THSD7B: variants seen among roughly 807,000 people sequenced by gnomAD.
THSD7B encodes the protein thrombospondin type-1 domain-containing protein 7B.
THSD7B carries 138 observed loss-of-function variants against 213.6 expected under a neutral mutation model. The ratio of observed to expected loss-of-function variants is 0.65; its 90% CI spans 0.56 to 0.74. THSD7B has a LOEUF of 0.74. Among genes scored for constraint, THSD7B ranks in the 30% least tolerant of loss-of-function variants. THSD7B has a pLI of 0.00. For synonymous variants in THSD7B, 742 were observed against 687.0 expected, an observed-to-expected ratio of 1.08 and a Z score of -1.25; for missense variants, 1,931 against 1,991.5, an observed-to-expected ratio of 0.97 and a Z score of 0.58.
chr2:137,443,998 AC>A (rs1687474880), intron 14 of THSD7B, among the ~76,000 whole-genome samples: 1 of 152,066 alleles, frequency 6.6e-6, no homozygotes, highest in African/African-American at 2.4e-5. Flanking sequence ...ATAATATTTA[AC>A]ATTATTTTGT....
intron 12 of THSD7B, among the ~76,000 whole-genome samples, chr2:137,309,894 T>A (rs1305994482): frequency 2.0e-5 from 3 of 152,170 alleles, no homozygotes; most frequent in Admixed American, 6.5e-5. Flanking sequence ...ATTTTCTTAA[T>A]CTGGTCTATC....
intron 15 of THSD7B, among the ~76,000 whole-genome samples, chr2:137,561,042 G>A (rs1361254399): frequency 6.6e-6 from 1 of 152,112 alleles, no homozygotes. Flanking sequence ...AAATTTTCAA[G>A]TAATTCCATG....
chr2:137,082,970 T>C (rs565586550), intron 3 of THSD7B, among the ~76,000 whole-genome samples: 58 of 152,106 alleles, frequency 3.8e-4, no homozygotes, highest in Non-Finnish European at 7.5e-4. Flanking sequence ...TATCTCTATA[T>C]CTGTAGAACA....
intron 12 of THSD7B, among the ~76,000 whole-genome samples, chr2:137,323,353 TC>T (rs1259491093): frequency 6.6e-6 from 1 of 152,150 alleles, no homozygotes; most frequent in Non-Finnish European, 1.5e-5. Context: ...CCAGTTCCTG[TC>T]CCCCATGAGA....
chr2:136,896,957 T>TATA (rs888592279), intron 2 of THSD7B, among the ~76,000 whole-genome samples: 1 of 56,126 alleles, frequency 1.8e-5, no homozygotes, highest in African/African-American at 4.6e-5. Flanking sequence ...TATATATATA[T>TATA]TTTTTTAAGA....
At chr2:136,796,871 C>T (rs1682075229) in intron 1 of THSD7B, among the ~76,000 whole-genome samples, 1 of 151,788 alleles carries the variant, frequency 6.6e-6, no homozygotes. Flanking sequence ...ATAACTTTCT[C>T]TGCTTCTATA....
At chr2:136,885,059 T>G (rs1368223582) in intron 2 of THSD7B, among the ~76,000 whole-genome samples, 1 of 152,184 alleles carries the variant, frequency 6.6e-6, no homozygotes. Flanking sequence ...GTATTGCAGT[T>G]GAAATTAGCT....
chr2:137,312,199 A>G (rs1683932313), intron 12 of THSD7B, among the ~76,000 whole-genome samples: 1 of 152,208 alleles, frequency 6.6e-6, no homozygotes, highest in South Asian at 2.1e-4. Flanking sequence ...TTATTGCCCT[A>G]TTCAGAGATT....
At chr2:136,837,544 T>C (rs1490176196) in intron 1 of THSD7B, among the ~76,000 whole-genome samples, 2 of 152,244 alleles carry the variant, frequency 1.3e-5, no homozygotes, top group Non-Finnish European at 2.9e-5. Context: ...TGCCACTCTC[T>C]ATTCCTGCTT....
intron 5 of THSD7B, among the ~76,000 whole-genome samples, chr2:137,157,914 T>C (rs944979234): frequency 6.6e-6 from 1 of 152,154 alleles, no homozygotes; most frequent in Non-Finnish European, 1.5e-5. Flanking sequence ...CAAGGTTTTG[T>C]TTTTGGAACT....
chr2:137,160,087 T>C lies in THSD7B; in HGVS notation c.1370-126T>C, dbSNP rs1573859682. ...AACACATATTAGAAAGTGTTGATGT[T>C]TTCTTTGCATATGTTCTTTTTAACT... On this transcript the variant is annotated intron_variant, in intron 5 of 27. Transcript: ENST00000409968. The C allele has an allele frequency of 1.1e-5, 12 of 1,134,380 alleles. No homozygotes were observed. The East Asian group carries it at 3.1e-4, about 29-fold the overall frequency. 70.3% of individuals were successfully genotyped at this position (1,134,380 alleles called of 1,614,324 possible). A position where few individuals can be genotyped will look rare whatever the true frequency, so the allele number is the denominator to read the frequency against.
At chr2:137,604,348 A>G (rs1214065450) in intron 17 of THSD7B, among the ~76,000 whole-genome samples, 1 of 152,192 alleles carries the variant, frequency 6.6e-6, no homozygotes, top group Non-Finnish European at 1.5e-5. Flanking sequence ...TTTCGTTATT[A>G]TGATGGCTAT....
At chr2:137,304,718 T>A (rs970873081) in intron 12 of THSD7B, among the ~76,000 whole-genome samples, 10 of 152,126 alleles carry the variant, frequency 6.6e-5, no homozygotes, top group African/African-American at 2.4e-4. Flanking sequence ...GCTTGTTTCA[T>A]CTAGGAGCCA....
Position 137,307,453 on chromosome 2 carries a change from GAATC to G in THSD7B, c.2500+31431_2500+31434del, listed in dbSNP as rs1466929792. ...CAACCCAGGAATAAAAGGAGGCTGT[GAATC>G]AATACGAATTTCCACTTCATCCCTA... On this transcript the variant is annotated intron_variant, in intron 12 of 27. Coordinates refer to ENST00000409968, the MANE Select transcript of THSD7B (RefSeq NM_001316349.2). Among the ~76,000 whole-genome samples the G allele has an allele frequency of 2.0e-5, 3 of 152,080 alleles. No individual in the cohort carries two copies. In the South Asian group the frequency reaches 6.3e-4, roughly 32 times the overall value.
intron 15 of THSD7B, among the ~76,000 whole-genome samples, chr2:137,528,037 A>G (rs1158545296): frequency 1.3e-5 from 2 of 152,110 alleles, no homozygotes; most frequent in Non-Finnish European, 2.9e-5. Flanking sequence ...AGTTTTTGTC[A>G]CTTACAATAG....
At chr2:137,490,610 A>G (rs2105121437) in intron 15 of THSD7B, among the ~76,000 whole-genome samples, 2 of 152,302 alleles carry the variant, frequency 1.3e-5, no homozygotes, top group South Asian at 4.1e-4. Context: ...GTGAAACTAC[A>G]TTGACACAAA....
intron 1 of THSD7B, among the ~76,000 whole-genome samples, chr2:136,879,877 A>T (rs1558836119): frequency 6.6e-6 from 1 of 152,200 alleles, no homozygotes; most frequent in African/African-American, 2.4e-5. Context: ...GAAGGCCATT[A>T]CATAATGGTA....
intron 3 of THSD7B, among the ~76,000 whole-genome samples, chr2:137,074,263 G>A (rs1167270153): frequency 1.3e-5 from 2 of 152,118 alleles, no homozygotes; most frequent in Non-Finnish European, 2.9e-5. Context: ...ATGAATCTGG[G>A]TGCTCCTGTA....
At chr2:137,572,601 C>G in intron 17 of THSD7B, 45 bp downstream of exon 17, 1 of 1,606,032 alleles carries the variant, frequency 6.2e-7, no homozygotes, top group Non-Finnish European at 8.5e-7. Context: ...CTATTGTTGC[C>G]TTCACTGTTG....
Sources: gnomAD v4.1 joint callset for allele counts (sites outside exome capture counted in the v4.1 genomes callset) on GRCh38, gnomAD v4.1.1 for gene constraint, MANE v1.5 for transcripts, NCBI Gene and HGNC (gene_info 2026-07-23, HGNC 2026-07-21) for gene names.